Variants in LRCH3 observed in about 807,000 individuals in gnomAD.
LRCH3 encodes DISP complex protein LRCH3.
A neutral mutation model predicts 104.5 loss-of-function variants in LRCH3; 68 were observed. That is an observed-to-expected ratio of 0.65 (90% CI 0.54 to 0.80). The LOEUF (loss-of-function observed/expected upper bound fraction) is 0.80. Ranked by LOEUF, LRCH3 falls within the 30% of genes least tolerant of loss-of-function variation. LRCH3 has a pLI of 0.00. For missense variants in LRCH3, 951 were observed against 953.9 expected, an observed-to-expected ratio of 1.00 and a Z score of 0.04; for synonymous variants, 344 against 361.3, an observed-to-expected ratio of 0.95 and a Z score of 0.54.
intron 12 of LRCH3, among the ~76,000 whole-genome samples, chr3:197,851,122 C>G (rs1432971978): frequency 2.0e-5 from 3 of 152,128 alleles, no homozygotes; most frequent in African/African-American, 7.2e-5. Context: ...GAAGCCTATT[C>G]TGTGAGCACA....
At chr3:197,834,102 G>T (rs933620761) in intron 8 of LRCH3, among the ~76,000 whole-genome samples, 37 of 152,312 alleles carry the variant, frequency 2.4e-4, no homozygotes, top group African/African-American at 8.9e-4. Flanking sequence ...TCCAGCAACT[G>T]CGATTTTTAG....
chr3:197,813,867 A>G (rs141742815), intron 1 of LRCH3, among the ~76,000 whole-genome samples: 75 of 152,268 alleles, frequency 4.9e-4, no homozygotes, highest in African/African-American at 1.7e-3. Flanking sequence ...TTGTAAAGAT[A>G]ACAGTCATTG....
At position 197,887,582 on chromosome 3, in the gene LRCH3, TTG is replaced by T; in HGVS notation, c.*3917_*3918del. The T allele has an allele frequency of 2.8e-5, 4 of 143,066 alleles. No individual in the cohort carries two copies. Among genetic ancestry groups the T allele is most frequent in the African/African-American group, 1.1e-4 (4 of 36,502 alleles). 8.9% of individuals were successfully genotyped at this position (143,066 alleles called of 1,614,324 possible). The stretch of plus-strand genomic sequence containing the variant: ...AGAGCCCTTCCCATCACTGACAGTG[TTG>T]GGGGCTGAGAGCCCCCCTAGCAGAG... On this transcript the variant is annotated 3_prime_UTR_variant, in exon 21 of 21. Coordinates refer to ENST00000425562, the MANE Select transcript of LRCH3 (RefSeq NM_001365715.1).
chr3:197,845,380 G>A (rs535249206), intron 10 of LRCH3, among the ~76,000 whole-genome samples: 16 of 139,878 alleles, frequency 1.1e-4, no homozygotes, highest in African/African-American at 2.7e-4. Context: ...TTCAAGCCTG[G>A]ACAACAGAGT....
intron 1 of LRCH3, among the ~76,000 whole-genome samples, chr3:197,799,264 GTT>G (rs1301999573): frequency 6.6e-6 from 1 of 152,138 alleles, no homozygotes; most frequent in East Asian, 1.9e-4. Flanking sequence ...CATGTTTCTT[GTT>G]CTTTCCAGTT....
In LRCH3 at chr3:197,858,833, G is replaced by T. The variant is rs749267458; in HGVS notation, c.1645-1G>T. ...TCTTCTCTTTCTCATTTGAAATGTA[G>T]TCGCTGTCAGGGTTGAATCAAGTGG... On this transcript the variant is annotated splice_acceptor_variant, in intron 14 of 20. Coordinates refer to ENST00000425562, the MANE Select transcript of LRCH3 (RefSeq NM_001365715.1). LOFTEE classifies it high-confidence loss of function. 1 of 1,613,014 alleles carries T rather than the reference G, an allele frequency of 6.2e-7. No individual in the cohort carries two copies. The highest frequency in any genetic ancestry group is 8.5e-7 in the Non-Finnish European group (1 of 1,179,054).
chr3:197,849,483 TCATTG>T (rs1176312022), intron 12 of LRCH3, among the ~76,000 whole-genome samples: 2 of 152,088 alleles, frequency 1.3e-5, no homozygotes, highest in Admixed American at 1.3e-4. Flanking sequence ...TTTATCTCTG[TCATTG>T]TATTTTCACA....
chr3:197,800,129 C>CA (rs1731708146), intron 1 of LRCH3, among the ~76,000 whole-genome samples: 1 of 151,658 alleles, frequency 6.6e-6, no homozygotes, highest in Non-Finnish European at 1.5e-5. Flanking sequence ...GTGGAGGTTG[C>CA]AATGAGCCAA....
chr3:197,834,649 G>A (rs2109305105), intron 8 of LRCH3, among the ~76,000 whole-genome samples: 1 of 152,306 alleles, frequency 6.6e-6, no homozygotes, highest in Non-Finnish European at 1.5e-5. Flanking sequence ...ACACAAAGAT[G>A]CACCTTTCAG....
chr3:197,828,898 G>A (rs930054100), intron 5 of LRCH3, among the ~76,000 whole-genome samples: 2 of 151,428 alleles, frequency 1.3e-5, no homozygotes, highest in Non-Finnish European at 2.9e-5. Flanking sequence ...TAGTACAGAC[G>A]GGATTTCACC....
At chr3:197,879,313 C>G (rs4276234) in intron 20 of LRCH3, among the ~76,000 whole-genome samples, 45,436 of 152,068 alleles carry the variant, frequency 0.3, 9,183 homozygotes, top group African/African-American at 0.58. Flanking sequence ...ACAGCTCTGC[C>G]TTCATTTTGA....
At chr3:197,811,707 A>G (rs1336629384) in intron 1 of LRCH3, among the ~76,000 whole-genome samples, 2 of 152,202 alleles carry the variant, frequency 1.3e-5, no homozygotes, top group Non-Finnish European at 2.9e-5. Flanking sequence ...CTAATGTCAT[A>G]ATTACATAGC....
Position 197,865,441 on chromosome 3 carries a change from G to A in LRCH3, c.1735G>A (p.Ala579Thr). ...TPLKSDDRPN[A>T]LLSSPATETV... ...TCCACAGAGTGATGACAGACCTAAT[G>A]CTCTATTAAGTTCACCTGCAACAGA... is the stretch of plus-strand genomic sequence containing the variant. The change falls in exon 16 of 21, where the codon GCT becomes ACT. Residue 579 changes from alanine to threonine, a missense_variant. By Grantham distance (58) the Ala-to-Thr change is moderately conservative. Coordinates refer to ENST00000425562, the MANE Select transcript of LRCH3 (RefSeq NM_001365715.1). 6.4e-7 allele frequency: 1 copy of A among 1,567,048 alleles called. No individual in the cohort carries two copies. Among genetic ancestry groups the A allele is most frequent in the Non-Finnish European group, 8.7e-7 (1 of 1,155,860 alleles).
At chr3:197,847,824 G>T in intron 11 of LRCH3, 48 bp from the exon 12 acceptor site, 1 of 1,596,390 alleles carries the variant, frequency 6.3e-7, no homozygotes, top group South Asian at 1.1e-5. Context: ...TATTGGTAAC[G>T]TGATCCTCAT....
chr3:197,794,532 A>G (rs1730974055), intron 1 of LRCH3, among the ~76,000 whole-genome samples: 1 of 152,240 alleles, frequency 6.6e-6, no homozygotes, highest in African/African-American at 2.4e-5. Flanking sequence ...GTTGAATGCT[A>G]ATATATAAAA....
chr3:197,831,143 A>G (rs554857480), intron 7 of LRCH3: 3 of 306,034 alleles, frequency 9.8e-6, no homozygotes, highest in Admixed American at 4.5e-5. Context: ...ACTGAAGCCT[A>G]CAATCTGAGG....
rs754935340 is a variant in LRCH3 at position 197,829,611 on chromosome 3, A to G, written c.825A>G (p.Gln275=). The change falls in exon 6 of 21, where the codon CAA becomes CAG. Residue 275 remains glutamine, a synonymous_variant. Transcript: ENST00000425562. The part of the protein sequence containing the change: ...KVHIFKYLNI[Q]ACKIAPDLPD... The stretch of plus-strand genomic sequence containing the variant: ...ACATATTTAAATACCTGAACATACA[A>G]GCTTGTAAGATTGCTCCAGATCTGC... 1.2e-5 allele frequency: 19 copies of G among 1,613,502 alleles called. No homozygotes were observed. The Admixed American group carries it at 3.2e-4, about 27-fold the overall frequency.
chr3:197,881,835 A>G (rs1713801824), intron 20 of LRCH3: 6 of 985,428 alleles, frequency 6.1e-6, no homozygotes, highest in East Asian at 1.1e-4. Flanking sequence ...AGGGAGGAGC[A>G]TAACATCTGG....
chr3:197,835,331 G>GCC (rs1736615337), intron 8 of LRCH3, among the ~76,000 whole-genome samples: 1 of 151,522 alleles, frequency 6.6e-6, no homozygotes, highest in Non-Finnish European at 1.5e-5. Context: ...CTACAGGCGT[G>GCC]TGCCACTAAG....
Sources: allele counts gnomAD v4.1 joint callset (sites outside exome capture counted in the v4.1 genomes callset), GRCh38; gene constraint gnomAD v4.1.1; transcripts MANE v1.5; gene names NCBI Gene and HGNC (gene_info 2026-07-23, HGNC 2026-07-21).